DGKD: variants seen among roughly 807,000 people sequenced by gnomAD.
DGKD encodes the protein DAG kinase delta.
A neutral mutation model predicts 154.4 loss-of-function variants in DGKD; 68 were observed. The observed-to-expected ratio is 0.44, with a 90% CI of 0.36 to 0.54. The LOEUF (loss-of-function observed/expected upper bound fraction) is 0.54, where lower values mean the gene tolerates loss of function less well. Among genes scored for constraint, DGKD ranks in the 20% least tolerant of loss-of-function variants. DGKD has a pLI of 0.00. For synonymous variants in DGKD, 693 were observed against 638.0 expected, an observed-to-expected ratio of 1.09 and a Z score of -1.30; for missense variants, 1,343 against 1,593.6, an observed-to-expected ratio of 0.84 and a Z score of 2.68.
chr2:233,370,847 G>C (rs1369432665), intron 1 of DGKD, among the ~76,000 whole-genome samples: 9 of 151,914 alleles, frequency 5.9e-5, no homozygotes, highest in Admixed American at 5.9e-4. Context: ...CACATCTTGG[G>C]CTCAAGCAGT....
chr2:233,462,465 T>C lies in DGKD; in HGVS notation c.3093+6T>C. 3.8e-6 allele frequency: 6 copies of C among 1,590,244 alleles called. No homozygotes were observed. Among genetic ancestry groups the C allele is most frequent in the Non-Finnish European group, 5.2e-6 (6 of 1,162,400 alleles). Reference sequence around the variant, plus strand: ...GCAAGCCCAGAACCACAGAGGTAGCTATTCTGGCCTTTTCAGTCCTGGCTT... The same window carrying C: ...GCAAGCCCAGAACCACAGAGGTAGCCATTCTGGCCTTTTCAGTCCTGGCTT... On this transcript the variant is annotated splice_donor_region_variant and intron_variant, in intron 25 of 29. Coordinates refer to ENST00000264057, the MANE Select transcript of DGKD (RefSeq NM_152879.3).
In DGKD at chr2:233,438,113, A is replaced by AGGTGTGTGTC. The variant is rs1204354432; in HGVS notation, c.923-103_923-94dup. 2 of 1,285,046 alleles carry AGGTGTGTGTC rather than the reference A, an allele frequency of 1.6e-6. No individual in the cohort carries two copies. Among genetic ancestry groups the AGGTGTGTGTC allele is most frequent in the Admixed American group, 2.0e-5 (1 of 50,532 alleles). The allele number at this position is 1,285,046 out of a possible 1,614,324, so 79.6% of individuals were successfully genotyped here. A position where few individuals can be genotyped will look rare whatever the true frequency, so the allele number is the denominator to read the frequency against. On this transcript the variant is annotated intron_variant, in intron 8 of 29. Coordinates refer to ENST00000264057, the MANE Select transcript of DGKD (RefSeq NM_152879.3). The surrounding 1 kb of genome is among the most constrained non-coding windows in gnomAD (Gnocchi z 4.1). Reference sequence around the variant, plus strand: ...CCTGACTTACAGGTGTGCATGTGTCAGGTGTGTGTCCTTTGGGGGGGTCTG... The same window carrying AGGTGTGTGTC: ...CCTGACTTACAGGTGTGCATGTGTCAGGTGTGTGTCGGTGTGTGTCCTTTGGGGGGGTCTG...
intron 14 of DGKD, among the ~76,000 whole-genome samples, chr2:233,448,789 G>GTGCTTT (rs2063169375): frequency 6.6e-6 from 1 of 152,170 alleles, no homozygotes; most frequent in Non-Finnish European, 1.5e-5. Context: ...CATCTGATTG[G>GTGCTTT]TTGCAAAAAG....
Position 233,441,803 on chromosome 2 carries a change from T to G in DGKD, c.1086-84T>G, listed in dbSNP as rs1401839442. ...GCAGGTCAGCCATGAGGAGCACAGG[T>G]GGCCCCTCAGCCCCGTACTGACAAG... On this transcript the variant is annotated intron_variant, in intron 9 of 29. Transcript: ENST00000264057. This position sits in a 1 kb window ranked among gnomAD's most constrained non-coding sequence, Gnocchi z 5.6. The G allele has an allele frequency of 7.9e-7, 1 of 1,270,366 alleles. No individual in the cohort carries two copies. The highest frequency in any genetic ancestry group is 1.1e-6 in the Non-Finnish European group (1 of 889,316). The allele number at this position is 1,270,366 out of a possible 1,614,324, so 78.7% of individuals were successfully genotyped here. A position where few individuals can be genotyped will look rare whatever the true frequency, so the allele number is the denominator to read the frequency against.
At chr2:233,432,172 A>C (rs1220207906) in intron 3 of DGKD, among the ~76,000 whole-genome samples, 1 of 144,740 alleles carries the variant, frequency 6.9e-6, no homozygotes, top group Non-Finnish European at 1.5e-5. Flanking sequence ...TGGGCGGATC[A>C]CGAGGTCAGG....
chr2:233,406,610 C>T (rs2061691949), intron 3 of DGKD, among the ~76,000 whole-genome samples: 1 of 152,180 alleles, frequency 6.6e-6, no homozygotes, highest in Non-Finnish European at 1.5e-5. Context: ...CCCCTCAAAG[C>T]GGTCTGTGGA....
Position 233,462,702 on chromosome 2 carries a change from G to A in DGKD, c.3153G>A (p.Glu1051=). ...MVNNFRALRS[E]TELLLSGKMA... ...ATAACTTCAGAGCTCTGCGCAGTGA[G>A]ACGGAGCTGCTGCTGTCTGGGAAGA... The change falls in exon 26 of 30, where the codon GAG becomes GAA. Residue 1051 remains glutamate, a synonymous_variant. Transcript: ENST00000264057. 6.2e-7 allele frequency: 1 copy of A among 1,614,086 alleles called. No homozygotes were observed. The highest frequency in any genetic ancestry group is 8.5e-7 in the Non-Finnish European group (1 of 1,180,036).
intron 3 of DGKD, among the ~76,000 whole-genome samples, chr2:233,402,237 G>A (rs985053127): frequency 1.3e-5 from 2 of 152,216 alleles, no homozygotes; most frequent in African/African-American, 4.8e-5. Flanking sequence ...ACTTGGCCAT[G>A]CCCGAGCACC....
intron 1 of DGKD, among the ~76,000 whole-genome samples, chr2:233,370,114 C>T (rs1339910567): frequency 6.6e-6 from 1 of 152,102 alleles, no homozygotes; most frequent in Non-Finnish European, 1.5e-5. Context: ...AAATCCCTTC[C>T]CCATCGTGAG....
At chr2:233,402,873 G>T (rs1263406138) in intron 3 of DGKD, among the ~76,000 whole-genome samples, 1 of 152,208 alleles carries the variant, frequency 6.6e-6, no homozygotes, top group African/African-American at 2.4e-5. Flanking sequence ...TCTACTGAGT[G>T]CCTGAGGGTG....
In DGKD at chr2:233,426,113, G is replaced by A. The variant is rs560903060; in HGVS notation, c.349-8267G>A. 3.3e-5 allele frequency among the ~76,000 whole-genome samples: 5 copies of A among 152,326 alleles called. No individual in the cohort carries two copies. The South Asian group carries it at 1.0e-3, about 32-fold the overall frequency. ...TAACTTGCATTTGCCTTATAAGACA[G>A]CGTTTTTTCATAAACGTTGAAAATC... On this transcript the variant is annotated intron_variant, in intron 3 of 29. Coordinates refer to ENST00000264057, the MANE Select transcript of DGKD (RefSeq NM_152879.3).
At chr2:233,366,917 C>G (rs1264689955) in intron 1 of DGKD, among the ~76,000 whole-genome samples, 1 of 152,204 alleles carries the variant, frequency 6.6e-6, no homozygotes, top group African/African-American at 2.4e-5. Flanking sequence ...CAGTTTACCT[C>G]TAAATACCTC....
chr2:233,388,238 T>C lies in DGKD; in HGVS notation c.157-19T>C, dbSNP rs1190669513. 1 of 1,603,398 alleles carries C rather than the reference T, an allele frequency of 6.2e-7. No homozygotes were observed. The highest frequency in any genetic ancestry group is 1.8e-5 in the Admixed American group (1 of 56,398). ...CACCTTGAAAACGCAAGTTTATGAA[T>C]ATGTTTCTGTACTTTCAGACCATCA... On this transcript the variant is annotated intron_variant, in intron 1 of 29. Transcript: ENST00000264057.
At chr2:233,464,334 G>T in intron 27 of DGKD, 51 bp downstream of exon 27, 4 of 1,601,172 alleles carry the variant, frequency 2.5e-6, no homozygotes, top group Non-Finnish European at 3.4e-6. Context: ...GGTGGCTCTC[G>T]CCTGAAGTGC....
At chr2:233,466,993 C>A in intron 27 of DGKD, 93 bp from the exon 28 acceptor site, 1 of 995,142 alleles carries the variant, frequency 1.0e-6, no homozygotes, top group Non-Finnish European at 1.6e-6. Context: ...TCATCTCAGC[C>A]CTGCCTGCCC....
intron 3 of DGKD, among the ~76,000 whole-genome samples, chr2:233,393,305 G>A (rs1703759837): frequency 6.8e-6 from 1 of 148,116 alleles, no homozygotes; most frequent in South Asian, 2.1e-4. Context: ...TGGGATTACA[G>A]GTGTGAGCCA....
Position 233,459,736 on chromosome 2 carries a change from A to C in DGKD, c.2695-21A>C. The C allele has an allele frequency of 1.2e-6, 2 of 1,610,552 alleles. No individual in the cohort carries two copies. Among genetic ancestry groups the C allele is most frequent in the Non-Finnish European group, 1.7e-6 (2 of 1,178,152 alleles). The stretch of plus-strand genomic sequence containing the variant: ...TGGGGGTTTTGGCTCAGCATGAGTA[A>C]TGGCTATGATGTCTGCTCAGTGTCG... On this transcript the variant is annotated intron_variant, in intron 22 of 29. Transcript: ENST00000264057. The surrounding 1 kb of genome is among the most constrained non-coding windows in gnomAD (Gnocchi z 5.7).
chr2:233,364,255 C>A (rs1162650036), intron 1 of DGKD, among the ~76,000 whole-genome samples: 19 of 152,140 alleles, frequency 1.2e-4, no homozygotes, highest in Admixed American at 1.2e-3. Context: ...AATAAAGATA[C>A]TTTCATATAA....
chr2:233,421,383 CT>C (rs1366728229), intron 3 of DGKD, among the ~76,000 whole-genome samples: 5 of 152,244 alleles, frequency 3.3e-5, no homozygotes, highest in Admixed American at 6.5e-5. Flanking sequence ...GATGGGGTTA[CT>C]GAGGAGCCTC....
Sources: allele counts gnomAD v4.1 joint callset (sites outside exome capture counted in the v4.1 genomes callset), GRCh38; gene constraint gnomAD v4.1.1; non-coding constraint Gnocchi (gnomAD v3.1); transcripts MANE v1.5; gene names NCBI Gene and HGNC (gene_info 2026-07-23, HGNC 2026-07-21).